The following ABCA4 variants were observed in gnomAD, a reference collection of about 807,000 sequenced individuals.
ABCA4 encodes the protein retinal-specific phospholipid-transporting ATPase ABCA4.
Under a neutral mutation model 263.7 loss-of-function variants are expected in ABCA4, and 196 were observed. The ratio of observed to expected loss-of-function variants is 0.74; its 90% CI spans 0.66 to 0.84. ABCA4 has a LOEUF of 0.84. Among genes scored for constraint, ABCA4 ranks in the 40% least tolerant of loss-of-function variants. The pLI is 0.00. For missense variants in ABCA4, 2,792 were observed against 2,855.1 expected (o/e 0.98, Z 0.50); for synonymous variants, 1,133 against 1,094.2 (o/e 1.04, Z -0.70).
rs11805627 is a variant in ABCA4 at position 94,002,289 on chromosome 1, G to A, written c.6148-297C>T. Among the ~76,000 whole-genome samples, 19,418 of 152,196 alleles carry A rather than the reference G, an allele frequency of 0.13. 2,081 individuals carry two copies. The highest frequency in any genetic ancestry group is 0.29 in the African/African-American group (12,152 of 41,480). On this transcript the variant is annotated intron_variant, in intron 44 of 49. Coordinates refer to ENST00000370225, the MANE Select transcript of ABCA4 (RefSeq NM_000350.3). ...AGCAAGACAGTGGGTCTCGCCCAGC[G>A]TCCTGGACCATGGCTAGCAGTGGAG...
intron 26 of ABCA4, among the ~76,000 whole-genome samples, chr1:94,033,345 G>A (rs1451314399): frequency 6.6e-6 from 1 of 150,434 alleles, no homozygotes; most frequent in East Asian, 2.0e-4. Context: ...GACCCCTTGG[G>A]CCCAGGAGGT....
chr1:94,108,016 C>A (rs895813130), intron 4 of ABCA4, among the ~76,000 whole-genome samples: 1 of 152,168 alleles, frequency 6.6e-6, no homozygotes, highest in Non-Finnish European at 1.5e-5. Flanking sequence ...GCCTGTTGAC[C>A]TTCTGTGGTG....
intron 6 of ABCA4, among the ~76,000 whole-genome samples, chr1:94,092,253 T>G (rs1410828132): frequency 6.6e-6 from 1 of 152,170 alleles, no homozygotes; most frequent in Non-Finnish European, 1.5e-5. Flanking sequence ...TGAGCTGCAG[T>G]CTTGAAGGCA....
chr1:94,072,453 T>C (rs564448662), intron 11 of ABCA4, among the ~76,000 whole-genome samples: 1 of 152,286 alleles, frequency 6.6e-6, no homozygotes, highest in East Asian at 1.9e-4. Context: ...GAACTCTGAA[T>C]AGTATTTCAT....
chr1:94,083,405 T>G lies in ABCA4; in HGVS notation c.805A>C (p.Asn269His), dbSNP rs375393316. ...AATATTCCTCCCCAAGATCTCAGATTGATACCTTGAGAACGGCTGTCTAGG... is the reference window on the plus strand; with the variant it reads ...AATATTCCTCCCCAAGATCTCAGATGGATACCTTGAGAACGGCTGTCTAGG... ...TLLDSRSQGI[N>H]LRSWGGILSD... Residue 269 changes from asparagine (N) to histidine (H), a missense_variant, in exon 7 of 50, where the codon AAT becomes CAT. Asn to His is a moderately conservative substitution (Grantham distance 68, BLOSUM62 1). Transcript: ENST00000370225. 12 of 1,613,736 alleles carry G rather than the reference T, an allele frequency of 7.4e-6. No individual in the cohort carries two copies. The highest frequency in any genetic ancestry group is 1.1e-5 in the South Asian group (1 of 91,080).
At chr1:94,039,150 T>A (rs1660421821) in intron 24 of ABCA4, among the ~76,000 whole-genome samples, 1 of 152,138 alleles carries the variant, frequency 6.6e-6, no homozygotes, top group African/African-American at 2.4e-5. Context: ...GACCCAGAGA[T>A]GTCATCCTAA....
chr1:94,086,539 A>G (rs1254314794), intron 6 of ABCA4, among the ~76,000 whole-genome samples: 2 of 151,986 alleles, frequency 1.3e-5, no homozygotes, highest in African/African-American at 4.8e-5. Flanking sequence ...TGAAGAGCAC[A>G]TAGGCTGTTT....
intron 7 of ABCA4, among the ~76,000 whole-genome samples, chr1:94,082,723 G>GT (rs904715081): frequency 1.3e-5 from 2 of 152,240 alleles, no homozygotes; most frequent in Non-Finnish European, 2.9e-5. Flanking sequence ...GAAGAGAATT[G>GT]TTTTTTTCCC....
Position 94,041,297 on chromosome 1 carries a change from A to T in ABCA4, c.3434T>A (p.Leu1145His). 1 of 1,614,076 alleles carries T rather than the reference A, an allele frequency of 6.2e-7. No individual in the cohort carries two copies. Residue 1145 changes from leucine (L) to histidine (H), a missense_variant, in exon 23 of 50, where the codon CTC becomes CAC. Physicochemically the swap from Leu to His is moderately conservative, Grantham distance 99. Coordinates refer to ENST00000370225, the MANE Select transcript of ABCA4 (RefSeq NM_000350.3). Reference protein sequence around the residue: ...QGRLYCSGTPLFLKNCFGTGL... With the variant: ...QGRLYCSGTPHFLKNCFGTGL... The stretch of plus-strand genomic sequence containing the variant: ...TGTGCCAAAGCAGTTCTTCAGGAAG[A>T]GTGGGGTGCCTGAGCAGTAGAGCCT...
intron 1 of ABCA4, among the ~76,000 whole-genome samples, chr1:94,117,043 CTTCTTTCCT>C (rs1246488551): frequency 6.9e-5 from 6 of 87,018 alleles, no homozygotes; most frequent in African/African-American, 2.7e-4. Context: ...TTTCTTTCTT[CTTCTTTCCT>C]TTCTTTCCTT....
In ABCA4 at chr1:94,060,722, T is replaced by C. The variant is rs1315758729; in HGVS notation, c.1975A>G (p.Met659Val). The C allele has an allele frequency of 5.6e-6, 9 of 1,613,760 alleles. No homozygotes were observed. In the South Asian group the frequency reaches 7.7e-5, roughly 14 times the overall value. The change falls in exon 14 of 50, where the codon ATG becomes GTG. Residue 659 changes from methionine to valine, a missense_variant. Physicochemically the swap from Met to Val is conservative, Grantham distance 21. Transcript: ENST00000370225. ...IILNRCFPIF[M>V]VLAWIYSVSM... ...ACAGAGTAGATCCATGCCAGCACCA[T>C]GAAGATAGGGAAACAGCGGTTCAGG...
At position 94,008,253 on chromosome 1, in the gene ABCA4, G is replaced by A. The variant is rs746250336; in HGVS notation, c.5880C>T (p.Val1960=). ...TACCCACCTCTCCAGGGCGAACTCC[G>A]ACACACAGCCTGTCCACTGCTGGGC... ...TSSPAVDRLC[V]GVRPGECFGL... Residue 1960 remains valine, a synonymous_variant, in exon 42 of 50, where the codon GTC becomes GTT. Coordinates refer to ENST00000370225, the MANE Select transcript of ABCA4 (RefSeq NM_000350.3). The A allele has an allele frequency of 9.3e-6, 15 of 1,614,096 alleles. No individual in the cohort carries two copies. The highest frequency in any genetic ancestry group is 2.2e-5 in the South Asian group (2 of 91,072).
At chr1:94,119,705 C>T (rs1662895552) in intron 1 of ABCA4, among the ~76,000 whole-genome samples, 1 of 152,162 alleles carries the variant, frequency 6.6e-6, no homozygotes, top group African/African-American at 2.4e-5. Context: ...TTGCTACCTC[C>T]ATGATACCTT....
intron 44 of ABCA4, 60 bp downstream of exon 44, chr1:94,005,381 T>A: frequency 6.2e-7 from 1 of 1,607,278 alleles, no homozygotes; most frequent in Non-Finnish European, 8.5e-7. Context: ...GAATGCACTC[T>A]CATGAAACAG....
chr1:94,003,487 G>A (rs995264407), intron 44 of ABCA4, among the ~76,000 whole-genome samples: 4 of 151,868 alleles, frequency 2.6e-5, no homozygotes, highest in Non-Finnish European at 2.9e-5. Context: ...ATCACATCTC[G>A]GGGCATGAGA....
rs61750643 is a variant in ABCA4 at position 94,005,476 on chromosome 1, G to A, written c.6112C>T (p.Arg2038Trp). 7.4e-6 allele frequency: 12 copies of A among 1,613,960 alleles called. No homozygotes were observed. Among genetic ancestry groups the A allele is most frequent in the African/African-American group, 4.0e-5 (3 of 74,888 alleles). ...TGREHLYLYA[R>W]LRGVPAEEIE... Reference sequence around the variant, plus strand: ...TCTTCTGCTGGTACACCTCGAAGCCGGGCATAAAGGTAAAGATGTTCTCGT... The same window carrying A: ...TCTTCTGCTGGTACACCTCGAAGCCAGGCATAAAGGTAAAGATGTTCTCGT... The change falls in exon 44 of 50, where the codon CGG becomes TGG. Residue 2038 changes from arginine to tryptophan, a missense_variant. Physicochemically the swap from Arg to Trp is moderately radical, Grantham distance 101. Transcript: ENST00000370225.
At chr1:94,076,727 G>T (rs1313391818) in intron 11 of ABCA4, among the ~76,000 whole-genome samples, 1 of 152,182 alleles carries the variant, frequency 6.6e-6, no homozygotes, top group African/African-American at 2.4e-5. Flanking sequence ...TGTAACTCTG[G>T]TGCCAGTGTA....
intron 32 of ABCA4, among the ~76,000 whole-genome samples, chr1:94,022,986 C>T (rs1659941602): frequency 6.6e-6 from 1 of 152,206 alleles, no homozygotes; most frequent in South Asian, 2.1e-4. Flanking sequence ...CAGGATGCCT[C>T]AGGAATGGGG....
In ABCA4 at chr1:94,108,501, C is replaced by T. The variant is rs965442641; in HGVS notation, c.442+76G>A. ...CGCTAGTATATTTTTCACCAACTCT[C>T]CCTGTTCTTTCCTATATCTTCAGTC... On this transcript the variant is annotated intron_variant, in intron 4 of 49. Coordinates refer to ENST00000370225, the MANE Select transcript of ABCA4 (RefSeq NM_000350.3). 2.0e-5 allele frequency: 32 copies of T among 1,602,664 alleles called. No homozygotes were observed. In the African/African-American group the frequency reaches 2.8e-4, roughly 14 times the overall value.
Sources: gnomAD v4.1 joint callset for allele counts (sites outside exome capture counted in the v4.1 genomes callset) on GRCh38, gnomAD v4.1.1 for gene constraint, MANE v1.5 for transcripts, NCBI Gene and HGNC (gene_info 2026-07-23, HGNC 2026-07-21) for gene names.